Variants in DTWD2 observed in about 807,000 individuals in gnomAD.
DTWD2 encodes the protein tRNA-uridine aminocarboxypropyltransferase 2.
Under a neutral mutation model 31.8 loss-of-function variants are expected in DTWD2, and 39 were observed. The observed-to-expected ratio is 1.22, with a 90% confidence interval of 0.95 to 1.60. The LOEUF (loss-of-function observed/expected upper bound fraction) is 1.60, where lower values mean the gene tolerates loss of function less well. Among genes scored for constraint, DTWD2 ranks in the 40% most tolerant of loss-of-function variants. DTWD2 has a pLI of 0.00. For missense variants in DTWD2, 515 were observed against 381.5 expected (o/e 1.35, Z -2.92); for synonymous variants, 180 against 142.8 (o/e 1.26, Z -1.86).
intron 4 of DTWD2, among the ~76,000 whole-genome samples, chr5:118,854,656 C>T (rs1752089450): frequency 2.0e-5 from 3 of 151,986 alleles, no homozygotes; most frequent in African/African-American, 7.2e-5. Flanking sequence ...CACACAAAAA[C>T]ATCAAAATGG....
intron 4 of DTWD2, among the ~76,000 whole-genome samples, chr5:118,925,821 G>A (rs1753797054): frequency 6.6e-6 from 1 of 151,848 alleles, no homozygotes; most frequent in Non-Finnish European, 1.5e-5. Context: ...CTCCAGCCTG[G>A]GTGACAAAGC....
Position 118,928,615 on chromosome 5 carries a change from T to C in DTWD2, c.519A>G (p.Thr173=). 6.2e-7 allele frequency: 1 copy of C among 1,602,460 alleles called. No individual in the cohort carries two copies. The highest frequency in any genetic ancestry group is 8.5e-7 in the Non-Finnish European group (1 of 1,174,064). Residue 173 remains threonine, a synonymous_variant, in exon 4 of 6, where the codon ACA becomes ACG. Coordinates refer to ENST00000510708, the MANE Select transcript of DTWD2 (RefSeq NM_173666.4). ...TCCATGTACCATCAATGATGATGAT[T>C]GTAGAAGGATAAACAGGAGAATCTA... The part of the protein sequence containing the change: ...FILDSPVYPS[T]IIIIDGTWSQ...
In DTWD2 at chr5:118,988,473, G is replaced by C; in HGVS notation, c.39C>G (p.Pro13=). Residue 13 remains proline, a synonymous_variant, in exon 1 of 6, where the codon CCC becomes CCG. Coordinates refer to ENST00000510708, the MANE Select transcript of DTWD2 (RefSeq NM_173666.4). The stretch of plus-strand genomic sequence containing the variant: ...TTGAGGCCCCAGAAGGCCGCGCAAC[G>C]GGCTCCTGGAGTGTTCGTGCCTCTT... The part of the protein sequence containing the change: ...SQKEARTLQE[P]VARPSGASSS... 1.2e-6 allele frequency: 2 copies of C among 1,605,282 alleles called. No homozygotes were observed. The highest frequency in any genetic ancestry group is 1.7e-6 in the Non-Finnish European group (2 of 1,177,530).
intron 1 of DTWD2, among the ~76,000 whole-genome samples, chr5:118,972,919 T>C (rs1755021012): frequency 6.6e-6 from 1 of 152,212 alleles, no homozygotes; most frequent in Non-Finnish European, 1.5e-5. Context: ...GCCCCTGTAT[T>C]GGGTGCATAT....
chr5:118,837,997 A>C lies in DTWD2; in HGVS notation c.*2920T>G, dbSNP rs1329391919. The C allele has an allele frequency of 1.3e-5, 2 of 152,204 alleles. No homozygotes were observed. The highest frequency in any genetic ancestry group is 2.4e-5 in the African/African-American group (1 of 41,452). 9.4% of individuals were successfully genotyped at this position (152,204 alleles called of 1,614,324 possible). On this transcript the variant is annotated 3_prime_UTR_variant, in exon 6 of 6. Coordinates refer to ENST00000510708, the MANE Select transcript of DTWD2 (RefSeq NM_173666.4). ...TCTTCCAAAATATATGAAAAATATT[A>C]CTGGTCATGACTAAGAAAAGTGTCT...
intron 1 of DTWD2, among the ~76,000 whole-genome samples, chr5:118,957,557 T>C (rs1018403491): frequency 6.6e-6 from 1 of 152,084 alleles, no homozygotes; most frequent in Non-Finnish European, 1.5e-5. Context: ...GAAGTTGTCC[T>C]ATCCTAAAAC....
At chr5:118,897,020 G>A (rs1753098761) in intron 4 of DTWD2, among the ~76,000 whole-genome samples, 1 of 152,176 alleles carries the variant, frequency 6.6e-6, no homozygotes, top group Non-Finnish European at 1.5e-5. Context: ...AATGGTTGTT[G>A]CTTTAAGACA....
intron 4 of DTWD2, among the ~76,000 whole-genome samples, chr5:118,877,671 T>C (rs971671999): frequency 1.3e-5 from 2 of 152,000 alleles, no homozygotes; most frequent in African/African-American, 4.8e-5. Context: ...CAACACAGTA[T>C]TTGACGTCCA....
rs992317170 is a variant in DTWD2, at chr5:118,870,260, G to A, written c.598-22042C>T. Reference sequence around the variant, plus strand: ...CTCACATACACATATGCATAATGACGTTTACTATAGCACTGCTTACATAAT... The same window carrying A: ...CTCACATACACATATGCATAATGACATTTACTATAGCACTGCTTACATAAT... On this transcript the variant is annotated intron_variant, in intron 4 of 5. Coordinates refer to ENST00000510708, the MANE Select transcript of DTWD2 (RefSeq NM_173666.4). 1.2e-4 allele frequency among the ~76,000 whole-genome samples: 19 copies of A among 152,206 alleles called. No individual in the cohort carries two copies. The South Asian group carries it at 1.5e-3, about 12-fold the overall frequency.
At chr5:118,859,744 T>C (rs1293902643) in intron 4 of DTWD2, among the ~76,000 whole-genome samples, 7 of 152,232 alleles carry the variant, frequency 4.6e-5, no homozygotes, top group Admixed American at 3.9e-4. Flanking sequence ...CCTCTACTTA[T>C]TGCTTTCCTC....
intron 4 of DTWD2, among the ~76,000 whole-genome samples, chr5:118,882,149 A>C (rs1009014397): frequency 6.6e-6 from 1 of 152,228 alleles, no homozygotes; most frequent in African/African-American, 2.4e-5. Context: ...AAATGGGAGA[A>C]ATTGGCCAAA....
intron 4 of DTWD2, among the ~76,000 whole-genome samples, chr5:118,858,037 G>C (rs1016803594): frequency 7.2e-5 from 11 of 152,122 alleles, no homozygotes; most frequent in African/African-American, 2.7e-4. Context: ...ACCAAGATTA[G>C]CAGAACTGCC....
chr5:118,922,581 T>C (rs146822728), intron 4 of DTWD2, among the ~76,000 whole-genome samples: 9 of 152,354 alleles, frequency 5.9e-5, no homozygotes, highest in African/African-American at 1.7e-4. Flanking sequence ...AAAACTGATT[T>C]AAATTTTCTT....
chr5:118,937,492 C>CTA (rs1380011609), intron 3 of DTWD2, among the ~76,000 whole-genome samples: 3 of 152,180 alleles, frequency 2.0e-5, no homozygotes, highest in African/African-American at 7.2e-5. Flanking sequence ...CCAGCCAACC[C>CTA]TATCACCTTT....
intron 4 of DTWD2, among the ~76,000 whole-genome samples, chr5:118,919,830 T>C (rs1753661632): frequency 6.6e-6 from 1 of 152,160 alleles, no homozygotes. Flanking sequence ...TTTATTCTCA[T>C]ATAATTAAAT....
intron 4 of DTWD2, among the ~76,000 whole-genome samples, chr5:118,868,281 T>C (rs1752423761): frequency 6.6e-6 from 1 of 151,860 alleles, no homozygotes; most frequent in African/African-American, 2.4e-5. Context: ...AATCACGGAC[T>C]AAACCATAAG....
chr5:118,843,598 T>C (rs184218869), intron 5 of DTWD2, among the ~76,000 whole-genome samples: 83 of 152,328 alleles, frequency 5.4e-4, no homozygotes, highest in Non-Finnish European at 6.6e-4. Context: ...TAGGATGACA[T>C]ACAGACCAAG....
chr5:118,986,951 C>A (rs894935297), intron 1 of DTWD2, among the ~76,000 whole-genome samples: 2 of 151,850 alleles, frequency 1.3e-5, no homozygotes, highest in Non-Finnish European at 2.9e-5. Context: ...ATTAACTAAA[C>A]GTAACTGAAA....
chr5:118,913,430 T>TACAC (rs1421167029), intron 4 of DTWD2, among the ~76,000 whole-genome samples: 9 of 131,112 alleles, frequency 6.9e-5, no homozygotes, highest in African/African-American at 1.6e-4. Context: ...GATATATATA[T>TACAC]ATACACACAC....
Sources: allele counts gnomAD v4.1 joint callset (sites outside exome capture counted in the v4.1 genomes callset), GRCh38; gene constraint gnomAD v4.1.1; transcripts MANE v1.5; gene names NCBI Gene and HGNC (gene_info 2026-07-23, HGNC 2026-07-21).